HERC2: variants seen among roughly 807,000 people sequenced by gnomAD.
HERC2 encodes E3 ubiquitin-protein ligase HERC2.
A neutral mutation model predicts 537.7 loss-of-function variants in HERC2; 102 were observed. The observed-to-expected ratio is 0.19, with a 90% confidence interval of 0.16 to 0.22. HERC2 has a LOEUF of 0.22. Among genes scored for constraint, HERC2 ranks in the 10% least tolerant of loss-of-function variants. HERC2 has a pLI of 1.00. For missense variants in HERC2, 4,236 were observed against 6,198.2 expected, an observed-to-expected ratio of 0.68 and a Z score of 10.63; for synonymous variants, 2,224 against 2,466.2, an observed-to-expected ratio of 0.90 and a Z score of 2.91.
intron 48 of HERC2, among the ~76,000 whole-genome samples, 190 bp downstream of exon 48, chr15:28,201,266 T>G (rs1487327863): frequency 1.3e-5 from 2 of 152,220 alleles, no homozygotes; most frequent in African/African-American, 4.8e-5. Context: ...AGTCTGTTCT[T>G]TCTCATTCCA....
intron 2 of HERC2, among the ~76,000 whole-genome samples, chr15:28,306,228 G>A (rs551234554): frequency 5.6e-4 from 85 of 152,320 alleles, no homozygotes; most frequent in African/African-American, 1.8e-3. Context: ...CTTTTATTGC[G>A]TTGAGGTGTG....
rs774484391 is a variant in HERC2, at chr15:28,111,835, G to C, written c.14433C>G (p.Ser4811Arg). ...CGACATCCTCGTTATCTGAATCGTC[G>C]CTGCTGTCGTCGGCGGCTGGCTCTC... ...LTGEPAADDSSDDSDNEDVDS... is the reference protein window; with the variant it reads ...LTGEPAADDSRDDSDNEDVDS... The change falls in exon 93 of 93, where the codon AGC becomes AGG. Residue 4811 changes from serine (S) to arginine (R), a missense_variant. Physicochemically the swap from Ser to Arg is moderately radical, Grantham distance 110. Coordinates refer to ENST00000261609, the MANE Select transcript of HERC2 (RefSeq NM_004667.6). The C allele has an allele frequency of 6.2e-7, 1 of 1,614,150 alleles. No individual in the cohort carries two copies. The highest frequency in any genetic ancestry group is 1.7e-5 in the Admixed American group (1 of 60,022).
At chr15:28,305,106 A>C (rs1327675456) in intron 2 of HERC2, among the ~76,000 whole-genome samples, 1 of 144,554 alleles carries the variant, frequency 6.9e-6, no homozygotes, top group Non-Finnish European at 1.5e-5. Context: ...TTCTTAATCC[A>C]GTCTATCATT....
Position 28,230,463 on chromosome 15 carries a change from T to A in HERC2, c.4713A>T (p.Lys1571Asn), listed in dbSNP as rs751483810. 1 of 1,395,720 alleles carries A rather than the reference T, an allele frequency of 7.2e-7. No homozygotes were observed. The highest frequency in any genetic ancestry group is 1.2e-5 in the South Asian group (1 of 86,416). The allele number at this position is 1,395,720 out of a possible 1,614,324, so 86.5% of individuals were successfully genotyped here. Reference protein sequence around the residue: ...KKPESTDDEEKIGNEESDLEE... With the variant: ...KKPESTDDEENIGNEESDLEE... Reference sequence around the variant, plus strand: ...CTAAATCACTCTCTTCGTTTCCAATTTTTTCTTCATCATCCGTAGATTCTG... The same window carrying A: ...CTAAATCACTCTCTTCGTTTCCAATATTTTCTTCATCATCCGTAGATTCTG... Residue 1571 changes from lysine to asparagine, a missense_variant, in exon 31 of 93, where the codon AAA becomes AAT. Physicochemically the swap from Lys to Asn is moderately conservative, Grantham distance 94 (BLOSUM62 0). Around this residue, in one of 27 missense-constraint regions of HERC2, gnomAD observed 343 missense variants for 417.2 expected, o/e 0.82. Transcript: ENST00000261609.
Position 28,218,622 on chromosome 15 carries a change from G to A in HERC2, c.5895C>T (p.Thr1965=), listed in dbSNP as rs1368470065. 7 of 1,589,254 alleles carry A rather than the reference G, an allele frequency of 4.4e-6. No individual in the cohort carries two copies. Among genetic ancestry groups the A allele is most frequent in the South Asian group, 2.2e-5 (2 of 90,896 alleles). ...RNIHPTAMMF[T]STINLLQTLC... is the part of the protein sequence containing the mutation. ...GAGTCTGCAGTAAGTTAATAGTGCT[G>A]GTAAACATCATTGCAGTGGGGTGAA... Residue 1965 remains threonine (T), a synonymous_variant, in exon 38 of 93, where the codon ACC becomes ACT. Transcript: ENST00000261609.
At chr15:28,197,126 T>C (rs1274709325) in intron 50 of HERC2, among the ~76,000 whole-genome samples, 3 of 152,222 alleles carry the variant, frequency 2.0e-5, no homozygotes, top group Non-Finnish European at 4.4e-5. Flanking sequence ...ATCCATTTGT[T>C]TTTATGTAAC....
intron 12 of HERC2, 41 bp from the exon 13 acceptor site, chr15:28,266,015 G>T (rs1336695420): frequency 1.2e-6 from 2 of 1,601,984 alleles, no homozygotes; most frequent in Non-Finnish European, 1.7e-6. Flanking sequence ...CCTTCTTCTT[G>T]GTGTTATTTC....
chr15:28,192,988 T>C (rs193270950), intron 52 of HERC2, among the ~76,000 whole-genome samples: 181 of 152,248 alleles, frequency 1.2e-3, no homozygotes, highest in African/African-American at 3.9e-3. Context: ...CAATGAATGC[T>C]GATTAAGGTA....
At chr15:28,211,439 G>A (rs1307951622) in intron 43 of HERC2, among the ~76,000 whole-genome samples, 1 of 151,880 alleles carries the variant, frequency 6.6e-6, no homozygotes, top group Non-Finnish European at 1.5e-5. Context: ...CTATTAATAT[G>A]ATCAAATGTT....
chr15:28,152,006 G>A (rs1892506778), intron 70 of HERC2, among the ~76,000 whole-genome samples: 1 of 152,218 alleles, frequency 6.6e-6, no homozygotes, highest in Non-Finnish European at 1.5e-5. Flanking sequence ...AATAGCCTCG[G>A]GTGCTAATAA....
At chr15:28,274,635 C>A (rs1178167551) in intron 6 of HERC2, among the ~76,000 whole-genome samples, 188 bp from the exon 7 acceptor site, 1 of 152,214 alleles carries the variant, frequency 6.6e-6, no homozygotes, top group Non-Finnish European at 1.5e-5. Context: ...ACACTAACTT[C>A]TTGTCCTTCT....
Position 28,135,700 on chromosome 15 carries a change from A to G in HERC2, c.12016-8T>C. 6.2e-7 allele frequency: 1 copy of G among 1,604,866 alleles called. No homozygotes were observed. The highest frequency in any genetic ancestry group is 8.5e-7 in the Non-Finnish European group (1 of 1,172,446). On this transcript the variant is annotated splice_region_variant and splice_polypyrimidine_tract_variant and intron_variant, in intron 78 of 92. Transcript: ENST00000261609. Reference sequence around the variant, plus strand: ...ATACCCAGTGGCATACAGCTAAGAAAAGAAAAAGCAATAGTAACATCAGTT... The same window carrying G: ...ATACCCAGTGGCATACAGCTAAGAAGAGAAAAAGCAATAGTAACATCAGTT...
intron 29 of HERC2, 35 bp from the exon 30 acceptor site, chr15:28,233,376 A>G (rs1376277084): frequency 3.9e-6 from 5 of 1,282,970 alleles, no homozygotes; most frequent in Non-Finnish European, 5.6e-6. Flanking sequence ...AACTTTAACA[A>G]CAAATATTTC....
chr15:28,277,463 T>TA (rs34192629), intron 5 of HERC2, among the ~76,000 whole-genome samples: 88,578 of 137,402 alleles, frequency 0.64, 31,584 homozygotes, highest in Non-Finnish European at 0.82. Flanking sequence ...CACAATTATC[T>TA]AAAAAAAAAA....
intron 19 of HERC2, among the ~76,000 whole-genome samples, chr15:28,254,887 T>TG (rs1314994033): frequency 2.0e-5 from 3 of 152,176 alleles, no homozygotes; most frequent in African/African-American, 4.8e-5. Context: ...CTCACATACT[T>TG]GTTCAAATGT....
At chr15:28,245,761 T>C (rs1903647145) in intron 23 of HERC2, 120 bp downstream of exon 23, 1 of 902,576 alleles carries the variant, frequency 1.1e-6, no homozygotes, top group Non-Finnish European at 1.7e-6. Context: ...TTACTTATAC[T>C]ACCATCAGTA....
rs749173762 is a variant in HERC2 at position 28,179,250 on chromosome 15, A to G, written c.8938-27T>C. Reference sequence around the variant, plus strand: ...TACAACAGAATTTTTTTAACAAAAAAAAAAGAAAAGAAAATTTTACTTGCA... The same window carrying G: ...TACAACAGAATTTTTTTAACAAAAAGAAAAGAAAAGAAAATTTTACTTGCA... On this transcript the variant is annotated intron_variant, in intron 57 of 92. Transcript: ENST00000261609. 2.4e-5 allele frequency: 37 copies of G among 1,535,550 alleles called. No homozygotes were observed. In the African/African-American group the frequency reaches 4.6e-4, roughly 19 times the overall value.
chr15:28,255,522 T>C (rs374989572), intron 19 of HERC2, among the ~76,000 whole-genome samples: 7 of 152,154 alleles, frequency 4.6e-5, no homozygotes, highest in Non-Finnish European at 8.8e-5. Context: ...TATATAGTTA[T>C]ATTGCTGCGA....
Position 28,245,566 on chromosome 15 carries a change from T to TAC in HERC2, c.3577+313_3577+314dup, listed in dbSNP as rs200862998. Among the ~76,000 whole-genome samples the TAC allele has an allele frequency of 8.7e-3, 1,033 of 119,084 alleles. 13 individuals carry two copies. The highest frequency in any genetic ancestry group is 0.021 in the African/African-American group (711 of 34,158). The allele number at this position is 119,084 out of a possible 152,430, so 78.1% of individuals were successfully genotyped here. On this transcript the variant is annotated intron_variant, in intron 23 of 92. Coordinates refer to ENST00000261609, the MANE Select transcript of HERC2 (RefSeq NM_004667.6). Reference sequence around the variant, plus strand: ...AGTGTCAAAAAAAAAAAAAAATATATACACACACACACACACACACACACA... The same window carrying TAC: ...AGTGTCAAAAAAAAAAAAAAATATATACACACACACACACACACACACACACA...
Sources: allele counts gnomAD v4.1 joint callset (sites outside exome capture counted in the v4.1 genomes callset), GRCh38; gene constraint gnomAD v4.1.1; regional missense constraint gnomAD v4.1.1; transcripts MANE v1.5; gene names NCBI Gene and HGNC (gene_info 2026-07-23, HGNC 2026-07-21).